AUTS2: variants seen among roughly 807,000 people sequenced by gnomAD.
AUTS2 encodes activator of transcription and developmental regulator AUTS2, also known as autism susceptibility gene 2 protein.
AUTS2 carries 17 observed loss-of-function variants against 112.4 expected under a neutral mutation model. The ratio of observed to expected loss-of-function variants is 0.15; its 90% CI spans 0.10 to 0.23. The LOEUF (loss-of-function observed/expected upper bound fraction) is 0.23. Ranked by LOEUF, AUTS2 falls within the 10% of genes least tolerant of loss-of-function variation. AUTS2 has a pLI of 1.00. For missense variants in AUTS2, 1,510 were observed against 1,701.6 expected, an observed-to-expected ratio of 0.89 and a Z score of 1.98; for synonymous variants, 751 against 702.7, an observed-to-expected ratio of 1.07 and a Z score of -1.09.
intron 4 of AUTS2, among the ~76,000 whole-genome samples, chr7:70,144,587 A>G (rs914935063): frequency 3.3e-5 from 5 of 152,118 alleles, no homozygotes; most frequent in African/African-American, 1.2e-4. Flanking sequence ...TACTAATTTG[A>G]TAATTACAGT....
Position 70,053,758 on chromosome 7 carries a change from T to G in AUTS2, c.523-64374T>G, listed in dbSNP as rs999800614. On this transcript the variant is annotated intron_variant, in intron 2 of 18. Transcript: ENST00000342771. ...AGGGTCTCTACTATGTTGCCCAGGC[T>G]GGTCTCGAACTGGGCTCAAGAGGTC... Among the ~76,000 whole-genome samples the G allele has an allele frequency of 5.9e-5, 9 of 152,102 alleles. 1 individual carries two copies. Among genetic ancestry groups the G allele is most frequent in the Admixed American group, 5.9e-4 (9 of 15,274 alleles).
intron 1 of AUTS2, among the ~76,000 whole-genome samples, chr7:69,845,079 T>A (rs1426127060): frequency 6.6e-6 from 1 of 152,148 alleles, no homozygotes. Context: ...TCATCCTTCG[T>A]TTCCCTCTGC....
At chr7:70,718,842 A>T (rs1810516779) in intron 6 of AUTS2, among the ~76,000 whole-genome samples, 1 of 152,034 alleles carries the variant, frequency 6.6e-6, no homozygotes, top group Non-Finnish European at 1.5e-5. Context: ...AATTAAGGTG[A>T]CTATATAACT....
intron 1 of AUTS2, among the ~76,000 whole-genome samples, chr7:69,812,857 T>A (rs1790601691): frequency 1.3e-5 from 2 of 152,198 alleles, no homozygotes; most frequent in South Asian, 4.1e-4. Flanking sequence ...TGAGTTGCCA[T>A]CATGTTTCAC....
chr7:70,460,047 GC>G (rs1796898927), intron 5 of AUTS2, among the ~76,000 whole-genome samples: 1 of 152,126 alleles, frequency 6.6e-6, no homozygotes, highest in Admixed American at 6.5e-5. Context: ...CATCCCCACA[GC>G]CCCGGGAGGT....
At chr7:70,656,216 A>G (rs1806762861) in intron 5 of AUTS2, among the ~76,000 whole-genome samples, 1 of 152,142 alleles carries the variant, frequency 6.6e-6, no homozygotes, top group South Asian at 2.1e-4. Context: ...TAGTAAAATC[A>G]TATAATGTCT....
intron 4 of AUTS2, among the ~76,000 whole-genome samples, chr7:70,309,313 T>C (rs1253301745): frequency 6.6e-6 from 1 of 152,222 alleles, no homozygotes; most frequent in Admixed American, 6.5e-5. Context: ...GACCAGGTTT[T>C]GATAGTGCGG....
chr7:70,256,773 T>G (rs1786896067), intron 4 of AUTS2, among the ~76,000 whole-genome samples: 1 of 152,176 alleles, frequency 6.6e-6, no homozygotes, highest in Non-Finnish European at 1.5e-5. Context: ...TCCTGTGTGT[T>G]TTGCCATGCT....
At chr7:69,962,017 G>C (rs1328217330) in intron 2 of AUTS2, among the ~76,000 whole-genome samples, 4 of 152,122 alleles carry the variant, frequency 2.6e-5, no homozygotes, top group Non-Finnish European at 5.9e-5. Flanking sequence ...CTCTGTGATA[G>C]CTTGTTTTTG....
At chr7:69,838,803 G>GCTGT (rs1791839540) in intron 1 of AUTS2, among the ~76,000 whole-genome samples, 1 of 152,048 alleles carries the variant, frequency 6.6e-6, no homozygotes, top group Non-Finnish European at 1.5e-5. Flanking sequence ...TTCAGCCCTT[G>GCTGT]CTGTGGCTTC....
rs761658138 is a variant in AUTS2 at position 70,790,783 on chromosome 7, C to G, written c.3567C>G (p.Leu1189=). 6.8e-6 allele frequency: 11 copies of G among 1,612,272 alleles called. No individual in the cohort carries two copies. Among genetic ancestry groups the G allele is most frequent in the Non-Finnish European group, 8.5e-6 (10 of 1,179,272 alleles). The change falls in exon 19 of 19, where the codon CTC becomes CTG. Residue 1189 remains leucine, a synonymous_variant. Coordinates refer to ENST00000342771, the MANE Select transcript of AUTS2 (RefSeq NM_015570.4). This position sits in a 1 kb window ranked among gnomAD's most constrained non-coding sequence, Gnocchi z 7.6. The part of the protein sequence containing the change: ...LPHPSLITPG[L]PSMHYPRISP... The stretch of plus-strand genomic sequence containing the variant: ...ACCCCAGCCTCATCACCCCGGGACT[C>G]CCCAGCATGCACTATCCCCGCATCA...
chr7:70,513,954 C>G (rs1169966395), intron 5 of AUTS2, among the ~76,000 whole-genome samples: 1 of 152,212 alleles, frequency 6.6e-6, no homozygotes, highest in Admixed American at 6.5e-5. Flanking sequence ...GCCACTGTGC[C>G]TGGCCCCTTT....
At chr7:70,156,205 TG>T (rs1807748065) in intron 4 of AUTS2, among the ~76,000 whole-genome samples, 2 of 152,164 alleles carry the variant, frequency 1.3e-5, no homozygotes, top group African/African-American at 4.8e-5. Flanking sequence ...TACTTCTCTC[TG>T]TTGACATAGA....
At chr7:70,249,342 A>G (rs916010504) in intron 4 of AUTS2, among the ~76,000 whole-genome samples, 1 of 152,162 alleles carries the variant, frequency 6.6e-6, no homozygotes, top group Non-Finnish European at 1.5e-5. Context: ...TGTGTCATCA[A>G]CCACGCTGCA....
At chr7:70,349,022 A>C (rs924498528) in intron 4 of AUTS2, among the ~76,000 whole-genome samples, 4 of 152,224 alleles carry the variant, frequency 2.6e-5, no homozygotes, top group Non-Finnish European at 5.9e-5. Context: ...GTCAGGAACT[A>C]TTCTAATGCT....
intron 5 of AUTS2, among the ~76,000 whole-genome samples, chr7:70,649,766 G>C (rs1806394464): frequency 6.6e-6 from 1 of 152,038 alleles, no homozygotes; most frequent in Non-Finnish European, 1.5e-5. Flanking sequence ...TGGACCTCGT[G>C]ATTCACCCGC....
intron 1 of AUTS2, among the ~76,000 whole-genome samples, chr7:69,670,789 G>A (rs1268774892): frequency 6.6e-6 from 1 of 152,036 alleles, no homozygotes; most frequent in Admixed American, 6.5e-5. Flanking sequence ...GCCTGAGCCT[G>A]GGAACTCAAG....
intron 5 of AUTS2, among the ~76,000 whole-genome samples, chr7:70,621,886 G>A (rs563627096): frequency 7.8e-5 from 9 of 114,808 alleles, no homozygotes; most frequent in South Asian, 2.8e-4. Flanking sequence ...AGTCTCTGTC[G>A]CCCAAGCTGG....
At chr7:69,719,873 A>G (rs1798825064) in intron 1 of AUTS2, among the ~76,000 whole-genome samples, 1 of 152,186 alleles carries the variant, frequency 6.6e-6, no homozygotes, top group African/African-American at 2.4e-5. Context: ...GGCATAGCAC[A>G]GGATAATTAA....
Sources: gnomAD v4.1 joint callset for allele counts (sites outside exome capture counted in the v4.1 genomes callset) on GRCh38, gnomAD v4.1.1 for gene constraint, Gnocchi (gnomAD v3.1) non-coding constraint, MANE v1.5 for transcripts, NCBI Gene and HGNC (gene_info 2026-07-23, HGNC 2026-07-21) for gene names.